The following MEGF8 variants were observed in gnomAD, a reference collection of about 807,000 sequenced individuals.
The protein encoded by MEGF8 is multiple EGF like domains 8, also known as multiple epidermal growth factor-like domains protein 8.
MEGF8 carries 156 observed loss-of-function variants against 302.9 expected under a neutral mutation model. The observed-to-expected ratio is 0.52, with a 90% confidence interval of 0.45 to 0.59. The LOEUF (loss-of-function observed/expected upper bound fraction) is 0.59. Ranked by LOEUF, MEGF8 falls within the 20% of genes least tolerant of loss-of-function variation. The probability of loss-of-function intolerance (pLI) is 0.00; values close to 1 mark genes in which losing one functional copy is unlikely to be tolerated. For synonymous variants in MEGF8, 1,621 were observed against 1,660.5 expected, an observed-to-expected ratio of 0.98 and a Z score of 0.58; for missense variants, 3,345 against 3,964.5, an observed-to-expected ratio of 0.84 and a Z score of 4.20.
At chr19:42,360,542 T>C (rs1600062951) in intron 31 of MEGF8, among the ~76,000 whole-genome samples, 1 of 151,736 alleles carries the variant, frequency 6.6e-6, no homozygotes, top group East Asian at 1.9e-4. Context: ...ACGGGGTCTT[T>C]CTACGTTGCC....
intron 39 of MEGF8, 167 bp downstream of exon 39, chr19:42,370,526 T>G: frequency 1.1e-6 from 1 of 878,478 alleles, no homozygotes. Context: ...CTTGAACTCC[T>G]GGGTCTGAGG....
chr19:42,343,312 C>T (rs1260599636), intron 8 of MEGF8, among the ~76,000 whole-genome samples, 165 bp from the exon 9 acceptor site: 1 of 152,148 alleles, frequency 6.6e-6, no homozygotes, highest in Non-Finnish European at 1.5e-5. Flanking sequence ...CGAGGGAGCT[C>T]AGCTTGTTCA....
chr19:42,343,651 G>C lies in MEGF8; in HGVS notation c.1668+20G>C, dbSNP rs2039246052. ...CCTGACGTGAGCACTGGGGTGACAG[G>C]GAAAGGGTGGCTGGGGGGAGGAGGT... On this transcript the variant is annotated intron_variant, in intron 9 of 41. Transcript: ENST00000251268. 1 of 1,585,212 alleles carries C rather than the reference G, an allele frequency of 6.3e-7. No homozygotes were observed. The highest frequency in any genetic ancestry group is 1.3e-5 in the African/African-American group (1 of 74,504).
chr19:42,371,282 C>T, intron 40 of MEGF8, 68 bp from the exon 41 acceptor site: 1 of 1,578,282 alleles, frequency 6.3e-7, no homozygotes, highest in Non-Finnish European at 8.6e-7. Context: ...GTTGAGCTCA[C>T]ATATGGGGTG....
At chr19:42,337,435 A>C (rs973624240) in intron 8 of MEGF8, among the ~76,000 whole-genome samples, 2 of 151,676 alleles carry the variant, frequency 1.3e-5, no homozygotes, top group African/African-American at 4.8e-5. Context: ...AGGTTTTGCC[A>C]GTTTCCAGCT....
At position 42,344,957 on chromosome 19, in the gene MEGF8, T is replaced by G; in HGVS notation, c.2097+124T>G. ...AAACTCTTTACATTCAAGGGTCTTA[T>G]TTTCCTTATGGACTTTATTTTTTAT... On this transcript the variant is annotated intron_variant, in intron 12 of 41. Transcript: ENST00000251268. This position sits in a 1 kb window ranked among gnomAD's most constrained non-coding sequence, Gnocchi z 4.5. The G allele has an allele frequency of 9.2e-7, 1 of 1,090,292 alleles. No homozygotes were observed. Among genetic ancestry groups the G allele is most frequent in the South Asian group, 2.7e-5 (1 of 37,724 alleles). The allele number at this position is 1,090,292 out of a possible 1,614,324, so 67.5% of individuals were successfully genotyped here.
At chr19:42,374,243 G>T (rs1600080271) in intron 41 of MEGF8, among the ~76,000 whole-genome samples, 1 of 152,184 alleles carries the variant, frequency 6.6e-6, no homozygotes, top group African/African-American at 2.4e-5. Context: ...GGCTGAGGCG[G>T]GCAGATCACT....
At position 42,370,297 on chromosome 19, in the gene MEGF8, T is replaced by A; in HGVS notation, c.6943T>A (p.Ser2315Thr). 6.2e-7 allele frequency: 1 copy of A among 1,613,026 alleles called. No individual in the cohort carries two copies. The highest frequency in any genetic ancestry group is 8.5e-7 in the Non-Finnish European group (1 of 1,179,528). Residue 2315 changes from serine to threonine, a missense_variant, in exon 39 of 42, where the codon TCC (serine) becomes ACC (threonine). Ser to Thr is a moderately conservative substitution (Grantham distance 58, BLOSUM62 1). Transcript: ENST00000251268. ...TCGTGGAAATAGCCACATCTGCATC[T>A]CCAGGAAGGAGTTACAAATGTCCAA... ...FCRGNSHICI[S>T]RKELQMSKGE...
At chr19:42,327,035 G>A (rs1027189264) in intron 1 of MEGF8, among the ~76,000 whole-genome samples, 4 of 152,118 alleles carry the variant, frequency 2.6e-5, no homozygotes, top group African/African-American at 7.2e-5. Flanking sequence ...CTTTGAGCAG[G>A]TGGTTTTCTT....
At chr19:42,341,159 C>A (rs1156662175) in intron 8 of MEGF8, among the ~76,000 whole-genome samples, 1 of 152,018 alleles carries the variant, frequency 6.6e-6, no homozygotes, top group Non-Finnish European at 1.5e-5. Flanking sequence ...TGGCCAGGCA[C>A]TGTGGCTCAT....
chr19:42,337,897 G>A (rs903611832), intron 8 of MEGF8, among the ~76,000 whole-genome samples: 4 of 152,056 alleles, frequency 2.6e-5, no homozygotes, highest in Middle Eastern at 3.4e-3. Context: ...TCCACCTCCC[G>A]GGTTCAAGCG....
chr19:42,362,957 G>C (rs1159770462), intron 34 of MEGF8, 91 bp from the exon 35 acceptor site: 5 of 1,094,674 alleles, frequency 4.6e-6, no homozygotes, highest in Non-Finnish European at 6.7e-6. Flanking sequence ...AGGGAGGAGG[G>C]GCTGGGCCTG....
At position 42,358,709 on chromosome 19, in the gene MEGF8, A is replaced by G; in HGVS notation, c.5176-78A>G. On this transcript the variant is annotated intron_variant, in intron 29 of 41. Transcript: ENST00000251268. This position sits in a 1 kb window ranked among gnomAD's most constrained non-coding sequence, Gnocchi z 4.4. ...TGGTGGTTTCAGTCCACACGTTTCC[A>G]AGCCCGTCTTGGAGGCAGGGGGCTA... 6.9e-7 allele frequency: 1 copy of G among 1,446,106 alleles called. No individual in the cohort carries two copies. The highest frequency in any genetic ancestry group is 9.1e-7 in the Non-Finnish European group (1 of 1,094,502). 89.6% of individuals were successfully genotyped at this position (1,446,106 alleles called of 1,614,324 possible).
chr19:42,348,495 G>A (rs775306284), intron 13 of MEGF8, 23 bp downstream of exon 13: 3 of 1,496,932 alleles, frequency 2.0e-6, no homozygotes, highest in African/African-American at 2.8e-5. Flanking sequence ...GGGACATTCA[G>A]GGGGTTGTTT....
intron 31 of MEGF8, 66 bp downstream of exon 31, chr19:42,359,308 G>A: frequency 7.0e-7 from 1 of 1,433,880 alleles, no homozygotes; most frequent in Non-Finnish European, 9.2e-7. Flanking sequence ...CCCCATCCTG[G>A]GACTCCCACT....
chr19:42,334,682 G>A (rs975340905), intron 3 of MEGF8, among the ~76,000 whole-genome samples: 1 of 152,110 alleles, frequency 6.6e-6, no homozygotes, highest in East Asian at 1.9e-4. Context: ...TGTCAACTAC[G>A]CTGTCTGTAT....
In MEGF8 at chr19:42,348,448, C is replaced by G; in HGVS notation, c.2274C>G (p.Ala758=). The G allele has an allele frequency of 6.6e-7, 1 of 1,525,756 alleles. No individual in the cohort carries two copies. The highest frequency in any genetic ancestry group is 1.2e-5 in the South Asian group (1 of 83,502). 94.5% of individuals were successfully genotyped at this position (1,525,756 alleles called of 1,614,324 possible). A position where few individuals can be genotyped will look rare whatever the true frequency, so the allele number is the denominator to read the frequency against. The stretch of plus-strand genomic sequence containing the variant: ...GCCTACACGTCCTGGCCCGGATGGC[C>G]CGTGGCCCTGACACGGAGAACATGG... ...AQRLHVLARM[A]RGPDTENMEE... is the part of the protein sequence containing the mutation. Residue 758 remains alanine (A), a synonymous_variant, in exon 13 of 42, where the codon GCC becomes GCG. Transcript: ENST00000251268.
intron 5 of MEGF8, among the ~76,000 whole-genome samples, chr19:42,335,707 TC>T (rs1255746325): frequency 6.6e-6 from 1 of 152,220 alleles, no homozygotes; most frequent in Non-Finnish European, 1.5e-5. Flanking sequence ...CTGCCATTTG[TC>T]CCTTTAACTC....
chr19:42,375,960 A>T lies in MEGF8; in HGVS notation c.7723A>T (p.Ile2575Phe). The change falls in exon 42 of 42, where the codon ATT (isoleucine) becomes TTT (phenylalanine). Residue 2575 changes from isoleucine to phenylalanine, a missense_variant. By Grantham distance (21) the Ile-to-Phe change is conservative. Transcript: ENST00000251268. This position sits in a 1 kb window ranked among gnomAD's most constrained non-coding sequence, Gnocchi z 7.1. ...ACGGGAGGTATGGCCGCGGGGCCTG[A>T]TTACCTACGTGACGGTGACGGAGCC... Reference protein sequence around the residue: ...RVREVWPRGLITYVTVTEPSA... With the variant: ...RVREVWPRGLFTYVTVTEPSA... 1.2e-6 allele frequency: 2 copies of T among 1,605,988 alleles called. No homozygotes were observed. Among genetic ancestry groups the T allele is most frequent in the East Asian group, 4.5e-5 (2 of 44,710 alleles).
Sources: gnomAD v4.1 joint callset for allele counts (sites outside exome capture counted in the v4.1 genomes callset) on GRCh38, gnomAD v4.1.1 for gene constraint, Gnocchi (gnomAD v3.1) non-coding constraint, MANE v1.5 for transcripts, NCBI Gene and HGNC (gene_info 2026-07-23, HGNC 2026-07-21) for gene names.